TAF5L: variants seen among roughly 807,000 people sequenced by gnomAD.
TAF5L encodes TAF5-like RNA polymerase II p300/CBP-associated factor-associated factor 65 kDa subunit 5L.
In TAF5L, 7 loss-of-function variants were observed where a neutral mutation model predicts 51.3. The observed-to-expected ratio is 0.14, with a 90% CI of 0.08 to 0.26. The LOEUF is 0.26. TAF5L is among the 10% of genes least tolerant of loss of function. The pLI is 1.00. For missense variants in TAF5L, 575 were observed against 758.9 expected, an observed-to-expected ratio of 0.76 and a Z score of 2.85; for synonymous variants, 291 against 308.1, an observed-to-expected ratio of 0.94 and a Z score of 0.58.
chr1:229,601,713 G>C, intron 4 of TAF5L: 1 of 998,326 alleles, frequency 1.0e-6, no homozygotes, highest in Non-Finnish European at 1.2e-6. Flanking sequence ...GTGTGGTGAG[G>C]GTGCAGGGAT....
At position 229,602,672 on chromosome 1, in the gene TAF5L, G is replaced by A. The variant is rs1304317913; in HGVS notation, c.495C>T (p.Val165=). 2 of 1,614,166 alleles carry A rather than the reference G, an allele frequency of 1.2e-6. No homozygotes were observed. Among genetic ancestry groups the A allele is most frequent in the East Asian group, 4.5e-5 (2 of 44,882 alleles). ...AGTTGTAGCTGTCTTCTTGGAGACGGACCACGTACTTGTTATCTAGGAATG... is the reference window on the plus strand; with the variant it reads ...AGTTGTAGCTGTCTTCTTGGAGACGAACCACGTACTTGTTATCTAGGAATG... Residue 165 remains valine (V), a synonymous_variant, in exon 4 of 5, where the codon GTC becomes GTT. Coordinates refer to ENST00000258281, the Ensembl canonical transcript of TAF5L. The surrounding 1 kb of genome is among the most constrained non-coding windows in gnomAD (Gnocchi z 4.6).
At chr1:229,599,826 T>C (rs1664299901) in intron 4 of TAF5L, 2 of 985,476 alleles carry the variant, frequency 2.0e-6, no homozygotes, top group Non-Finnish European at 2.4e-6. Context: ...GTGAACACCG[T>C]TTCAAATACT....
intron 1 of TAF5L, among the ~76,000 whole-genome samples, chr1:229,616,378 T>TC (rs1350517513): frequency 1.3e-5 from 2 of 151,820 alleles, no homozygotes; most frequent in East Asian, 3.8e-4. Flanking sequence ...ATTTATATTT[T>TC]TTTTTTTAGT....
chr1:229,606,542 T>C (rs1664602142), intron 3 of TAF5L: 2 of 985,434 alleles, frequency 2.0e-6, no homozygotes, highest in Non-Finnish European at 2.4e-6. Flanking sequence ...CATTCTCCTC[T>C]ACCTTTCTTC....
Position 229,602,217 on chromosome 1 carries a change from G to A in TAF5L, c.950C>T (p.Ala317Val). The change falls in exon 4 of 5, where the codon GCT becomes GTT. Residue 317 changes from alanine to valine, a missense_variant. Ala to Val is a moderately conservative substitution (Grantham distance 64). This residue lies in a region of TAF5L where 380 missense variants were observed against 443.7 expected (regional missense o/e 0.86). Transcript: ENST00000258281. This position sits in a 1 kb window ranked among gnomAD's most constrained non-coding sequence, Gnocchi z 4.6. ...TACCTCCTCCTCCAGAATATCACAA[G>A]CCAAATGGATGCGGGACACGTCTAC... The A allele has an allele frequency of 6.2e-7, 1 of 1,613,880 alleles. No individual in the cohort carries two copies. Among genetic ancestry groups the A allele is most frequent in the Non-Finnish European group, 8.5e-7 (1 of 1,179,806 alleles).
chr1:229,604,954 T>C (rs1664528562), intron 3 of TAF5L, among the ~76,000 whole-genome samples: 1 of 152,170 alleles, frequency 6.6e-6, no homozygotes, highest in Non-Finnish European at 1.5e-5. Flanking sequence ...CTTTATTTTT[T>C]TGAGATGGAG....
chr1:229,595,866 T>C (rs1664103874), intron 4 of TAF5L, among the ~76,000 whole-genome samples: 1 of 152,210 alleles, frequency 6.6e-6, no homozygotes, highest in Non-Finnish European at 1.5e-5. Context: ...GGTTTCTCCA[T>C]GTCGGTCAGG....
chr1:229,614,577 G>T (rs1018469269), intron 1 of TAF5L, 92 bp from the exon 2 acceptor site: 75 of 1,512,536 alleles, frequency 5.0e-5, no homozygotes, highest in Non-Finnish European at 5.2e-5. Flanking sequence ...TAGGACACAT[G>T]GGAGAGAAAG....
chr1:229,604,319 G>C (rs1313484422), intron 3 of TAF5L, among the ~76,000 whole-genome samples: 3 of 152,002 alleles, frequency 2.0e-5, no homozygotes, highest in Admixed American at 6.6e-5. Flanking sequence ...ATCACAAGGT[G>C]AATGAATCTG....
intron 4 of TAF5L, among the ~76,000 whole-genome samples, chr1:229,597,926 A>G (rs1322841822): frequency 6.6e-6 from 1 of 152,104 alleles, no homozygotes; most frequent in Non-Finnish European, 1.5e-5. Context: ...CAGAGCTCAC[A>G]CTCACGTTTC....
chr1:229,594,805 A>G lies in TAF5L; in HGVS notation c.1262T>C (p.Ile421Thr), dbSNP rs368650480. The change falls in exon 5 of 5, where the codon ATA (isoleucine) becomes ACA (threonine). Residue 421 changes from isoleucine to threonine, a missense_variant. By Grantham distance (89) the Ile-to-Thr change is moderately conservative (BLOSUM62 -1). Around this residue, in one of 3 missense-constraint regions of TAF5L, gnomAD observed 104 missense variants for 218.3 expected, o/e 0.48. Coordinates refer to ENST00000258281, the Ensembl canonical transcript of TAF5L. The surrounding 1 kb of genome is among the most constrained non-coding windows in gnomAD (Gnocchi z 7.9). Reference sequence around the variant, plus strand: ...CACATCTGCCAGGTGTCCTGCATATATCCTCAGCGGGTACGTCCGATCAAA... The same window carrying G: ...CACATCTGCCAGGTGTCCTGCATATGTCCTCAGCGGGTACGTCCGATCAAA... 1.3e-4 allele frequency: 203 copies of G among 1,614,180 alleles called. No individual in the cohort carries two copies. The highest frequency in any genetic ancestry group is 1.8e-4 in the South Asian group (16 of 91,078).
At chr1:229,605,334 G>A (rs187308678) in intron 3 of TAF5L, among the ~76,000 whole-genome samples, 21 of 152,242 alleles carry the variant, frequency 1.4e-4, no homozygotes, top group Non-Finnish European at 2.5e-4. Context: ...GGAATATCAC[G>A]GAGAGGAGTA....
At chr1:229,614,052 T>C in intron 2 of TAF5L, 2 of 607,632 alleles carry the variant, frequency 3.3e-6, no homozygotes, top group Non-Finnish European at 5.8e-6. Context: ...AAGGAAAAAG[T>C]TGCACGTACT....
At chr1:229,608,183 A>T (rs1664664451) in intron 3 of TAF5L, among the ~76,000 whole-genome samples, 1 of 152,204 alleles carries the variant, frequency 6.6e-6, no homozygotes, top group South Asian at 2.1e-4. Flanking sequence ...GGTATTTTAA[A>T]GCAAAGAATC....
intron 3 of TAF5L, among the ~76,000 whole-genome samples, chr1:229,605,475 T>C (rs894027290): frequency 1.3e-5 from 2 of 152,196 alleles, no homozygotes; most frequent in Non-Finnish European, 2.9e-5. Flanking sequence ...AGATTAAGTA[T>C]GGAATAAGGA....
intron 1 of TAF5L, among the ~76,000 whole-genome samples, chr1:229,622,410 A>G (rs1441737349): frequency 6.6e-6 from 1 of 152,068 alleles, no homozygotes; most frequent in African/African-American, 2.4e-5. Context: ...TCAAGCATAT[A>G]CAATACATAC....
chr1:229,596,662 G>A (rs1265769979), intron 4 of TAF5L, among the ~76,000 whole-genome samples: 1 of 152,204 alleles, frequency 6.6e-6, no homozygotes, highest in Non-Finnish European at 1.5e-5. Context: ...CTCCCCACAA[G>A]TATACCATCT....
At chr1:229,601,466 C>T in intron 4 of TAF5L, 12 of 985,394 alleles carry the variant, frequency 1.2e-5, no homozygotes, top group Non-Finnish European at 1.4e-5. Context: ...TTCCTTGGCC[C>T]ACATTTTTTC....
chr1:229,601,841 T>C, intron 4 of TAF5L: 1 of 1,040,528 alleles, frequency 9.6e-7, no homozygotes, highest in Non-Finnish European at 1.2e-6. Context: ...TACTACCGAT[T>C]ATTTGTACCT....
Sources: gnomAD v4.1 joint callset for allele counts (sites outside exome capture counted in the v4.1 genomes callset) on GRCh38, gnomAD v4.1.1 for gene constraint, gnomAD v4.1.1 regional missense constraint, Gnocchi (gnomAD v3.1) non-coding constraint, MANE v1.5 for transcripts, NCBI Gene and HGNC (gene_info 2026-07-23, HGNC 2026-07-21) for gene names.